Variants in SLC9A5 observed in about 807,000 individuals in gnomAD.
The protein encoded by SLC9A5 is sodium/hydrogen exchanger 5.
Under a neutral mutation model 91.7 loss-of-function variants are expected in SLC9A5, and 52 were observed. The observed-to-expected ratio is 0.57, with a 90% CI of 0.45 to 0.71. SLC9A5 has a LOEUF of 0.71. SLC9A5 is among the 30% of genes least tolerant of loss of function. The pLI is 0.00. For synonymous variants in SLC9A5, 419 were observed against 474.5 expected (o/e 0.88, Z 1.52); for missense variants, 871 against 1,158.9 (o/e 0.75, Z 3.61).
At position 67,249,201 on chromosome 16, in the gene SLC9A5, G is replaced by T; in HGVS notation, c.187G>T (p.Val63Leu). ...CCTGGTGGCCAGTCTGGCCAAAATC[G>T]GTGAGTGCGTGTGTGCGTGCGCCAG... ...WILVASLAKIVFHLSRKVTSL... is the reference protein window; with the variant it reads ...WILVASLAKILFHLSRKVTSL... Residue 63 changes from valine to leucine, a missense_variant and splice_region_variant, in exon 1 of 16, where the codon GTG becomes TTG. By Grantham distance (32) the Val-to-Leu change is conservative. Around this residue, in one of 3 missense-constraint regions of SLC9A5, gnomAD observed 122 missense variants for 114.5 expected, o/e 1.07. Transcript: ENST00000299798. The T allele has an allele frequency of 6.6e-7, 1 of 1,516,854 alleles. No individual in the cohort carries two copies. 94.0% of individuals were successfully genotyped at this position (1,516,854 alleles called of 1,614,324 possible).
chr16:67,253,902 C>T (rs1723541583), intron 2 of SLC9A5, among the ~76,000 whole-genome samples: 1 of 152,138 alleles, frequency 6.6e-6, no homozygotes, highest in African/African-American at 2.4e-5. Flanking sequence ...CCAAGAAATT[C>T]ATTCAACCCT....
chr16:67,261,966 T>TGTGTG, intron 12 of SLC9A5: 1 of 182,208 alleles, frequency 5.5e-6, no homozygotes, highest in Non-Finnish European at 1.1e-5. Flanking sequence ...GTGTATGTGG[T>TGTGTG]GTTTATGTAT....
chr16:67,266,883 A>C (rs1292669376), intron 15 of SLC9A5, among the ~76,000 whole-genome samples: 1 of 126,464 alleles, frequency 7.9e-6, no homozygotes, highest in African/African-American at 3.0e-5. Context: ...CCATTCTTGC[A>C]TTGCTATAAT....
chr16:67,268,325 ATTTTT>A (rs548983298), intron 15 of SLC9A5, among the ~76,000 whole-genome samples: 1 of 123,958 alleles, frequency 8.1e-6, no homozygotes, highest in African/African-American at 3.0e-5. Context: ...CCAGATAAGG[ATTTTT>A]TTTTTTTTTT....
intron 1 of SLC9A5, 42 bp downstream of exon 1, chr16:67,249,243 G>A: frequency 7.4e-7 from 1 of 1,352,480 alleles, no homozygotes; most frequent in Non-Finnish European, 9.5e-7. Flanking sequence ...CGCCAGCGGC[G>A]GACCCGCCCC....
intron 12 of SLC9A5, 101 bp downstream of exon 12, chr16:67,260,047 A>T: frequency 6.8e-7 from 1 of 1,479,274 alleles, no homozygotes; most frequent in Non-Finnish European, 9.0e-7. Context: ...GCAGATGCCC[A>T]GCTAAAGAGT....
intron 12 of SLC9A5, chr16:67,261,981 T>G: frequency 3.8e-6 from 1 of 266,090 alleles, no homozygotes; most frequent in South Asian, 3.9e-5. Flanking sequence ...ATGTATAAGA[T>G]TGGTCAATGG....
intron 14 of SLC9A5, 78 bp from the exon 15 acceptor site, chr16:67,266,010 G>A: frequency 1.3e-6 from 2 of 1,568,304 alleles, no homozygotes; most frequent in Non-Finnish European, 1.7e-6. Context: ...GGGAGACAGG[G>A]AGCTGGCTTG....
chr16:67,260,056 G>A, intron 12 of SLC9A5, 110 bp downstream of exon 12: 1 of 1,449,264 alleles, frequency 6.9e-7, no homozygotes, highest in South Asian at 1.4e-5. Context: ...CAGCTAAAGA[G>A]TGTGGGTTTC....
In SLC9A5 at chr16:67,252,998, A is replaced by G. The variant is rs992544600; in HGVS notation, c.490+154A>G. 2.0e-5 allele frequency among the ~76,000 whole-genome samples: 3 copies of G among 152,228 alleles called. No individual in the cohort carries two copies. Among genetic ancestry groups the G allele is most frequent in the Non-Finnish European group, 2.9e-5 (2 of 68,040 alleles). On this transcript the variant is annotated intron_variant, in intron 2 of 15. Transcript: ENST00000299798. This position sits in a 1 kb window ranked among gnomAD's most constrained non-coding sequence, Gnocchi z 4.0. ...CAAGGCAGTGCTCCCGCTGGGGTTC[A>G]GGCCTCATTGAGGTCTCTGCCAGTC...
intron 14 of SLC9A5, 114 bp downstream of exon 14, chr16:67,265,220 G>GA: frequency 1.1e-6 from 1 of 916,840 alleles, no homozygotes; most frequent in Non-Finnish European, 1.7e-6. Flanking sequence ...CCGTGACCTG[G>GA]GGCTCTTCCT....
At chr16:67,267,571 A>G (rs1173755898) in intron 15 of SLC9A5, among the ~76,000 whole-genome samples, 1 of 152,126 alleles carries the variant, frequency 6.6e-6, no homozygotes, top group East Asian at 1.9e-4. Context: ...AGTGAGGAAT[A>G]GGAGGTGGTG....
rs755201806 is a variant in SLC9A5, at chr16:67,257,315, G to A, written c.1336-30G>A. On this transcript the variant is annotated intron_variant, in intron 7 of 15. Coordinates refer to ENST00000299798, the MANE Select transcript of SLC9A5 (RefSeq NM_004594.3). This position sits in a 1 kb window ranked among gnomAD's most constrained non-coding sequence, Gnocchi z 5.1. ...GGCAGCAGGGAACTGAATAGGAATA[G>A]GGCAGGGCTCACCTCCTGCCTGTCC... 7.0e-6 allele frequency: 11 copies of A among 1,563,840 alleles called. No homozygotes were observed. The highest frequency in any genetic ancestry group is 7.9e-6 in the Non-Finnish European group (9 of 1,134,094).
chr16:67,267,253 A>T (rs1009221203), intron 15 of SLC9A5, among the ~76,000 whole-genome samples: 3 of 150,910 alleles, frequency 2.0e-5, no homozygotes, highest in South Asian at 2.1e-4. Flanking sequence ...CACCCAGCTA[A>T]TTTTGTATTT....
chr16:67,255,947 T>C lies in SLC9A5; in HGVS notation c.911+17T>C. 1.9e-6 allele frequency: 3 copies of C among 1,609,308 alleles called. No individual in the cohort carries two copies. Among genetic ancestry groups the C allele is most frequent in the Non-Finnish European group, 1.7e-6 (2 of 1,177,538 alleles). ...CATTCTTGCGTGAGTTCTGGGGGCC[T>C]TGCAGGCAGATAGCTGGGAGGGGGC... On this transcript the variant is annotated intron_variant, in intron 5 of 15. Transcript: ENST00000299798. This position sits in a 1 kb window ranked among gnomAD's most constrained non-coding sequence, Gnocchi z 4.9.
At position 67,270,410 on chromosome 16, in the gene SLC9A5, T is replaced by A. The variant is rs1217417124; in HGVS notation, c.2219-328T>A. On this transcript the variant is annotated intron_variant, in intron 15 of 15. Transcript: ENST00000299798. The surrounding 1 kb of genome is among the most constrained non-coding windows in gnomAD (Gnocchi z 4.3). ...CATGTTGGCCAGGCTGGTCACTAAC[T>A]CCTGAGCTCAGGTGATCCACCACCT... Among the ~76,000 whole-genome samples the A allele has an allele frequency of 2.6e-5, 4 of 152,184 alleles. No individual in the cohort carries two copies.
Position 67,255,848 on chromosome 16 carries a change from A to C in SLC9A5, c.829A>C (p.Ile277Leu). Residue 277 changes from isoleucine to leucine, a missense_variant, in exon 5 of 16, where the codon ATC becomes CTC. Physicochemically the swap from Ile to Leu is conservative, Grantham distance 5. Around this residue, in one of 3 missense-constraint regions of SLC9A5, gnomAD observed 454 missense variants for 718.3 expected, o/e 0.63. Transcript: ENST00000299798. This position sits in a 1 kb window ranked among gnomAD's most constrained non-coding sequence, Gnocchi z 4.9. ...LTTRFTKRVR[I>L]IEPLLVFLLA... is the part of the protein sequence containing the mutation. Reference sequence around the variant, plus strand: ...CACACGCTTCACCAAGCGGGTCCGCATCATCGAGCCGCTGCTGGTCTTCCT... The same window carrying C: ...CACACGCTTCACCAAGCGGGTCCGCCTCATCGAGCCGCTGCTGGTCTTCCT... 2 of 1,612,970 alleles carry C rather than the reference A, an allele frequency of 1.2e-6. No homozygotes were observed. The highest frequency in any genetic ancestry group is 1.7e-6 in the Non-Finnish European group (2 of 1,179,608).
intron 1 of SLC9A5, among the ~76,000 whole-genome samples, chr16:67,250,281 C>G (rs762935204): frequency 7.6e-4 from 115 of 152,120 alleles, no homozygotes; most frequent in African/African-American, 2.4e-3. Context: ...GAGCGTGGTT[C>G]TGTGATGGGG....
chr16:67,250,604 A>G (rs1433122533), intron 1 of SLC9A5, among the ~76,000 whole-genome samples: 3 of 152,198 alleles, frequency 2.0e-5, no homozygotes, highest in Non-Finnish European at 4.4e-5. Flanking sequence ...AAGAGAAGAG[A>G]GCCTCCTTTT....
Sources: allele counts gnomAD v4.1 joint callset (sites outside exome capture counted in the v4.1 genomes callset), GRCh38; gene constraint gnomAD v4.1.1; regional missense constraint gnomAD v4.1.1; non-coding constraint Gnocchi (gnomAD v3.1); transcripts MANE v1.5; gene names NCBI Gene and HGNC (gene_info 2026-07-23, HGNC 2026-07-21).